SCFD2: variants seen among roughly 807,000 people sequenced by gnomAD.
SCFD2 encodes the protein sec1 family domain-containing protein 2.
SCFD2 carries 54 observed loss-of-function variants against 58.9 expected under a neutral mutation model. The ratio of observed to expected loss-of-function variants is 0.92; its 90% CI spans 0.74 to 1.15. The LOEUF (loss-of-function observed/expected upper bound fraction) is 1.15, where lower values mean the gene tolerates loss of function less well. Among genes scored for constraint, SCFD2 ranks in the 50% most tolerant of loss-of-function variants. SCFD2 has a pLI of 0.00. For missense variants in SCFD2, 805 were observed against 836.6 expected (o/e 0.96, Z 0.47); for synonymous variants, 321 against 335.9 (o/e 0.96, Z 0.49).
At chr4:53,203,281 T>C (rs575685651) in intron 4 of SCFD2, among the ~76,000 whole-genome samples, 4 of 152,294 alleles carry the variant, frequency 2.6e-5, no homozygotes, top group African/African-American at 7.2e-5. Context: ...TCTATTGAGA[T>C]AATCATGTGG....
intron 5 of SCFD2, among the ~76,000 whole-genome samples, chr4:53,080,103 G>A (rs1724096335): frequency 6.6e-6 from 1 of 152,136 alleles, no homozygotes; most frequent in Non-Finnish European, 1.5e-5. Flanking sequence ...ACAGAACCAA[G>A]TGTTCTAGCA....
chr4:53,078,557 C>T (rs926812033), intron 5 of SCFD2, among the ~76,000 whole-genome samples: 1 of 152,112 alleles, frequency 6.6e-6, no homozygotes, highest in Non-Finnish European at 1.5e-5. Context: ...GAGGCATTTC[C>T]TCGGGCATTG....
At chr4:53,225,012 C>T (rs928966923) in intron 4 of SCFD2, among the ~76,000 whole-genome samples, 5 of 152,102 alleles carry the variant, frequency 3.3e-5, no homozygotes, top group African/African-American at 7.2e-5. Flanking sequence ...ACAACTATAA[C>T]ATGCATTCCA....
At chr4:53,170,165 A>C (rs1727138424) in intron 4 of SCFD2, among the ~76,000 whole-genome samples, 1 of 152,132 alleles carries the variant, frequency 6.6e-6, no homozygotes, top group Admixed American at 6.6e-5. Context: ...TTTCAGGTCT[A>C]ACATTTAGTG....
At chr4:52,997,522 T>C (rs943757164) in intron 5 of SCFD2, among the ~76,000 whole-genome samples, 1 of 152,228 alleles carries the variant, frequency 6.6e-6, no homozygotes, top group Non-Finnish European at 1.5e-5. Flanking sequence ...ATGGGAGCTC[T>C]GGAGTGGATA....
At chr4:53,132,412 G>T (rs10003612) in intron 5 of SCFD2, among the ~76,000 whole-genome samples, 2 of 151,948 alleles carry the variant, frequency 1.3e-5, no homozygotes, top group Non-Finnish European at 2.9e-5. Context: ...ACCAAACAAC[G>T]TTGCAAACCA....
intron 5 of SCFD2, among the ~76,000 whole-genome samples, chr4:52,979,614 A>G (rs576651395): frequency 6.6e-6 from 1 of 152,260 alleles, no homozygotes; most frequent in Middle Eastern, 3.4e-3. Flanking sequence ...GCACTGGGCT[A>G]TGTTATTAGG....
chr4:52,945,201 G>T (rs1366238785), intron 5 of SCFD2, among the ~76,000 whole-genome samples: 1 of 152,150 alleles, frequency 6.6e-6, no homozygotes, highest in East Asian at 1.9e-4. Context: ...ATGGAAAGGG[G>T]TGAAATTAGA....
chr4:53,319,711 T>C (rs1289641900), intron 2 of SCFD2, among the ~76,000 whole-genome samples: 1 of 152,128 alleles, frequency 6.6e-6, no homozygotes, highest in Non-Finnish European at 1.5e-5. Context: ...TTTGTATTTT[T>C]AGTAGAGACG....
At chr4:53,329,140 A>C (rs1457171128) in intron 2 of SCFD2, among the ~76,000 whole-genome samples, 1 of 152,194 alleles carries the variant, frequency 6.6e-6, no homozygotes, top group Non-Finnish European at 1.5e-5. Flanking sequence ...TCTGAGATCA[A>C]ACTGCAAGGT....
chr4:53,254,217 CCT>C (rs1388326650), intron 4 of SCFD2, among the ~76,000 whole-genome samples: 1 of 152,144 alleles, frequency 6.6e-6, no homozygotes, highest in Non-Finnish European at 1.5e-5. Context: ...TCCCCATAAT[CCT>C]CACGTGTCAA....
Position 53,025,151 on chromosome 4 carries a change from C to T in SCFD2, c.1562-104281G>A, listed in dbSNP as rs1722442669. 2.0e-5 allele frequency among the ~76,000 whole-genome samples: 3 copies of T among 152,246 alleles called. No individual in the cohort carries two copies. In the South Asian group the frequency reaches 6.2e-4, roughly 32 times the overall value. ...GGGTAAGAAATAGAGGGGAAGGTGG[C>T]TTAGCCCTTCTGGGTGGCCACATCT... On this transcript the variant is annotated intron_variant, in intron 5 of 8. Transcript: ENST00000401642.
At chr4:53,252,329 A>T (rs563636384) in intron 4 of SCFD2, among the ~76,000 whole-genome samples, 16 of 150,754 alleles carry the variant, frequency 1.1e-4, no homozygotes, top group African/African-American at 2.7e-4. Flanking sequence ...TTACAGATTC[A>T]GTGCCATCCC....
intron 4 of SCFD2, among the ~76,000 whole-genome samples, chr4:53,192,645 G>A (rs1256158888): frequency 6.6e-6 from 1 of 152,148 alleles, no homozygotes; most frequent in Non-Finnish European, 1.5e-5. Flanking sequence ...GTATGACTGC[G>A]TGCAAGTCAC....
rs1730548731 is a variant in SCFD2 at position 53,254,922 on chromosome 4, G to C, written c.1311+18904C>G. ...GAGTCTCGCTCTGTCACCCAGGCTG[G>C]AGTGCAGTGGCGCAATCTTGGCTCA... On this transcript the variant is annotated intron_variant, in intron 4 of 8. Transcript: ENST00000401642. Among the ~76,000 whole-genome samples, 2 of 147,928 alleles carry C rather than the reference G, an allele frequency of 1.4e-5. 1 individual carries two copies. The highest frequency in any genetic ancestry group is 4.2e-4 in the South Asian group (2 of 4,720).
At position 52,873,881 on chromosome 4, in the gene SCFD2, C is replaced by T. The variant is rs192008757; in HGVS notation, c.*88G>A. Reference sequence around the variant, plus strand: ...TCATTCTCGCAATTAGTGACAGGGACGCTGGTTGTGGAGGAGTATTTGGAG... The same window carrying T: ...TCATTCTCGCAATTAGTGACAGGGATGCTGGTTGTGGAGGAGTATTTGGAG... On this transcript the variant is annotated 3_prime_UTR_variant, in exon 9 of 9. Coordinates refer to ENST00000401642, the MANE Select transcript of SCFD2 (RefSeq NM_152540.4). 16 of 883,916 alleles carry T rather than the reference C, an allele frequency of 1.8e-5. No individual in the cohort carries two copies. The Admixed American group carries it at 2.0e-4, about 11-fold the overall frequency. 54.8% of individuals were successfully genotyped at this position (883,916 alleles called of 1,614,324 possible). A position where few individuals can be genotyped will look rare whatever the true frequency, so the allele number is the denominator to read the frequency against.
At position 53,212,034 on chromosome 4, in the gene SCFD2, T is replaced by C. The variant is rs17082508; in HGVS notation, c.1311+61792A>G. On this transcript the variant is annotated intron_variant, in intron 4 of 8. Coordinates refer to ENST00000401642, the MANE Select transcript of SCFD2 (RefSeq NM_152540.4). ...TAGCATTTTACTACTTCTCCTTCAC[T>C]TCTTCCCTTCTTCAGTTACCTTATA... is the stretch of plus-strand genomic sequence containing the variant. 5.6e-3 allele frequency among the ~76,000 whole-genome samples: 846 copies of C among 152,190 alleles called. 10 individuals are homozygous for C. Among genetic ancestry groups the C allele is most frequent in the African/African-American group, 0.019 (796 of 41,464 alleles).
At chr4:52,921,177 C>T (rs1387372932) in intron 5 of SCFD2, among the ~76,000 whole-genome samples, 2 of 152,134 alleles carry the variant, frequency 1.3e-5, no homozygotes, top group Non-Finnish European at 2.9e-5. Flanking sequence ...GCTCCTAGGG[C>T]CCATAATCCT....
At chr4:53,235,942 G>C (rs143474216) in intron 4 of SCFD2, among the ~76,000 whole-genome samples, 1 of 152,296 alleles carries the variant, frequency 6.6e-6, no homozygotes, top group East Asian at 1.9e-4. Flanking sequence ...GACTGAGGAG[G>C]ATAAAAAAGC....
Sources: allele counts gnomAD v4.1 joint callset (sites outside exome capture counted in the v4.1 genomes callset), GRCh38; gene constraint gnomAD v4.1.1; transcripts MANE v1.5; gene names NCBI Gene and HGNC (gene_info 2026-07-23, HGNC 2026-07-21).